The following RIC1 variants were observed in gnomAD, a reference collection of about 807,000 sequenced individuals.
RIC1 encodes the protein guanine nucleotide exchange factor subunit RIC1.
A neutral mutation model predicts 169.0 loss-of-function variants in RIC1; 88 were observed. The ratio of observed to expected loss-of-function variants is 0.52; its 90% CI spans 0.44 to 0.62. RIC1 has a LOEUF of 0.62. Among genes scored for constraint, RIC1 ranks in the 20% least tolerant of loss-of-function variants. The pLI, the probability that RIC1 is intolerant of heterozygous loss-of-function variation, is 0.00. For synonymous variants in RIC1, 790 were observed against 601.5 expected (o/e 1.31, Z -4.59); for missense variants, 1,877 against 1,725.5 (o/e 1.09, Z -1.56).
intron 17 of RIC1, among the ~76,000 whole-genome samples, chr9:5,758,988 C>G (rs568100846): frequency 3.1e-4 from 47 of 152,076 alleles, no homozygotes; most frequent in African/African-American, 1.1e-3. Flanking sequence ...CATGATCTGC[C>G]CACCTCGGCC....
At chr9:5,654,973 AT>A (rs1819001771) in intron 1 of RIC1, among the ~76,000 whole-genome samples, 1 of 152,064 alleles carries the variant, frequency 6.6e-6, no homozygotes, top group Admixed American at 6.6e-5. Context: ...TTCTAGGAGG[AT>A]TTTTGGGTCA....
intron 2 of RIC1, among the ~76,000 whole-genome samples, chr9:5,681,080 C>T (rs1820803572): frequency 6.6e-6 from 1 of 151,936 alleles, no homozygotes; most frequent in Non-Finnish European, 1.5e-5. Context: ...CCCGCCTCGG[C>T]CTCCCAAAGT....
chr9:5,769,387 T>C, intron 22 of RIC1, 131 bp downstream of exon 22: 1 of 1,593,182 alleles, frequency 6.3e-7, no homozygotes, highest in Non-Finnish European at 8.5e-7. Context: ...AAGCCAACTT[T>C]TTGTACATGA....
At position 5,763,437 on chromosome 9, in the gene RIC1, C is replaced by A. The variant is rs749141847; in HGVS notation, c.2410C>A (p.Arg804=). The A allele has an allele frequency of 6.2e-7, 1 of 1,614,150 alleles. No homozygotes were observed. Residue 804 remains arginine (R), a synonymous_variant, in exon 19 of 26, where the codon CGG becomes AGG. Transcript: ENST00000414202. The surrounding 1 kb of genome is among the most constrained non-coding windows in gnomAD (Gnocchi z 5.2). ...TTTGCTCTATGATTCTTTATATACTCGGAACAATGCTAGAGAACAGCTGGA... is the reference window on the plus strand; with the variant it reads ...TTTGCTCTATGATTCTTTATATACTAGGAACAATGCTAGAGAACAGCTGGA... ...DTLLYDSLYT[R]NNAREQLEVL...
Position 5,664,603 on chromosome 9 carries a change from C to G in RIC1, c.252+7913C>G, listed in dbSNP as rs552443274. 2.2e-4 allele frequency among the ~76,000 whole-genome samples: 34 copies of G among 152,200 alleles called. No individual in the cohort carries two copies. In the South Asian group the frequency reaches 4.8e-3, roughly 21 times the overall value. On this transcript the variant is annotated intron_variant, in intron 2 of 25. Transcript: ENST00000414202. ...GATTATATGTCTTGGGGTTGATCTT[C>G]TCAGGGAATATCTTACTGAGGTTTT... is the stretch of plus-strand genomic sequence containing the variant.
intron 1 of RIC1, 23 bp downstream of exon 1, chr9:5,629,476 T>G (rs1453578382): frequency 2.0e-6 from 3 of 1,523,028 alleles, no homozygotes; most frequent in Non-Finnish European, 2.6e-6. Flanking sequence ...GCCCGCCGCC[T>G]TTCGCCGCTG....
chr9:5,754,206 AC>A, intron 14 of RIC1, among the ~76,000 whole-genome samples: 1 of 152,122 alleles, frequency 6.6e-6, no homozygotes, highest in East Asian at 1.9e-4. Flanking sequence ...GTAAACACAC[AC>A]ACACACACAA....
intron 1 of RIC1, among the ~76,000 whole-genome samples, chr9:5,653,817 C>T (rs1331129206): frequency 1.3e-5 from 2 of 151,892 alleles, no homozygotes; most frequent in African/African-American, 4.8e-5. Flanking sequence ...AGGTTGGTCT[C>T]AAACTTTTGA....
intron 3 of RIC1, among the ~76,000 whole-genome samples, chr9:5,692,432 C>T (rs1821638586): frequency 6.6e-6 from 1 of 151,920 alleles, no homozygotes; most frequent in South Asian, 2.1e-4. Flanking sequence ...ATTTTTTTCA[C>T]CAAGTGTTTA....
chr9:5,742,780 A>C (rs1825153269), intron 8 of RIC1, 89 bp from the exon 9 acceptor site: 3 of 1,194,968 alleles, frequency 2.5e-6, no homozygotes, highest in Admixed American at 4.8e-5. Flanking sequence ...TTTAGATTTG[A>C]AAATACAGAT....
chr9:5,677,927 G>A (rs1439099595), intron 2 of RIC1, among the ~76,000 whole-genome samples: 2 of 151,656 alleles, frequency 1.3e-5, no homozygotes, highest in Non-Finnish European at 2.9e-5. Context: ...GTATACATGT[G>A]CCATGTTAGT....
At chr9:5,704,275 A>G (rs1045344079) in intron 3 of RIC1, among the ~76,000 whole-genome samples, 7 of 151,622 alleles carry the variant, frequency 4.6e-5, no homozygotes, top group African/African-American at 1.7e-4. Context: ...CAGTGTCACA[A>G]TCATAGCTCA....
At chr9:5,739,909 G>A (rs1017372254) in intron 8 of RIC1, among the ~76,000 whole-genome samples, 15 of 152,268 alleles carry the variant, frequency 9.9e-5, no homozygotes, top group African/African-American at 2.9e-4. Context: ...ACCTGGTGAG[G>A]CTGTGCATGC....
chr9:5,772,143 CCT>C (rs1827266359), intron 23 of RIC1, among the ~76,000 whole-genome samples: 1 of 152,082 alleles, frequency 6.6e-6, no homozygotes, highest in Non-Finnish European at 1.5e-5. Context: ...GTTCCCCCAC[CCT>C]CTCCTTTTCC....
intron 6 of RIC1, among the ~76,000 whole-genome samples, chr9:5,730,710 T>C (rs1349629106): frequency 6.6e-6 from 1 of 152,194 alleles, no homozygotes; most frequent in African/African-American, 2.4e-5. Flanking sequence ...AAGTGTTTGC[T>C]TTGTGATATT....
chr9:5,678,608 G>C (rs1294705277), intron 2 of RIC1, among the ~76,000 whole-genome samples: 1 of 152,122 alleles, frequency 6.6e-6, no homozygotes, highest in Non-Finnish European at 1.5e-5. Context: ...GTGATGATGA[G>C]CATTTTTTCA....
At chr9:5,647,965 GTGGTGGTGA>G (rs1271552018) in intron 1 of RIC1, among the ~76,000 whole-genome samples, 3 of 134,440 alleles carry the variant, frequency 2.2e-5, no homozygotes, top group African/African-American at 3.2e-5. Context: ...GGTGGTGGTG[GTGGTGGTGA>G]TGGTGGTGGT....
chr9:5,734,501 T>A (rs886433683), intron 7 of RIC1, among the ~76,000 whole-genome samples: 1 of 152,218 alleles, frequency 6.6e-6, no homozygotes, highest in African/African-American at 2.4e-5. Context: ...TTCTTTCTTA[T>A]ACACCTTCAA....
At chr9:5,723,290 C>T (rs555032266) in intron 6 of RIC1, among the ~76,000 whole-genome samples, 2 of 152,308 alleles carry the variant, frequency 1.3e-5, no homozygotes, top group South Asian at 4.1e-4. Flanking sequence ...TTTTGATTTG[C>T]ATTTCTTTGA....
Sources: allele counts gnomAD v4.1 joint callset (sites outside exome capture counted in the v4.1 genomes callset), GRCh38; gene constraint gnomAD v4.1.1; non-coding constraint Gnocchi (gnomAD v3.1); transcripts MANE v1.5; gene names NCBI Gene and HGNC (gene_info 2026-07-23, HGNC 2026-07-21).